The following ANK3 variants were observed in gnomAD, a reference collection of about 807,000 sequenced individuals.
The protein encoded by ANK3 is ankyrin-3.
ANK3 carries 57 observed loss-of-function variants against 370.9 expected under a neutral mutation model. That is an observed-to-expected ratio of 0.15 (90% CI 0.12 to 0.19). The LOEUF (loss-of-function observed/expected upper bound fraction) is 0.19. Among genes scored for constraint, ANK3 ranks in the 10% least tolerant of loss-of-function variants. ANK3 has a pLI of 1.00. For synonymous variants in ANK3, 1,929 were observed against 1,946.3 expected, an observed-to-expected ratio of 0.99 and a Z score of 0.23; for missense variants, 4,439 against 5,302.1, an observed-to-expected ratio of 0.84 and a Z score of 5.06.
intron 5 of ANK3, among the ~76,000 whole-genome samples, chr10:60,269,653 C>T (rs574568294): frequency 6.9e-6 from 1 of 144,710 alleles, no homozygotes; most frequent in Non-Finnish European, 1.5e-5. Flanking sequence ...CCCCCTCCCC[C>T]CCCCCAAAAA....
chr10:60,632,556 C>T (rs1278168047), intron 1 of ANK3, among the ~76,000 whole-genome samples: 1 of 152,134 alleles, frequency 6.6e-6, no homozygotes, highest in Non-Finnish European at 1.5e-5. Flanking sequence ...CAAGAGAAGA[C>T]TGGGCAACAC....
chr10:60,629,887 T>C (rs1485582763), intron 1 of ANK3, among the ~76,000 whole-genome samples: 1 of 152,184 alleles, frequency 6.6e-6, no homozygotes, highest in Non-Finnish European at 1.5e-5. Flanking sequence ...GCAAAAGATG[T>C]GCATGCTACA....
At chr10:60,696,115 T>C (rs1379389545) in intron 1 of ANK3, among the ~76,000 whole-genome samples, 2 of 150,466 alleles carry the variant, frequency 1.3e-5, no homozygotes, top group Admixed American at 6.7e-5. Flanking sequence ...CAGAGAATAC[T>C]ACAAACACCT....
intron 8 of ANK3, among the ~76,000 whole-genome samples, chr10:60,224,544 T>C (rs1453570640): frequency 6.6e-6 from 1 of 152,184 alleles, no homozygotes; most frequent in East Asian, 1.9e-4. Flanking sequence ...CTTTAGCAGG[T>C]CAAATTTGCT....
chr10:60,393,507 A>G (rs893057342), upstream of ANK3, among the ~76,000 whole-genome samples: 3 of 152,186 alleles, frequency 2.0e-5, no homozygotes, highest in Non-Finnish European at 4.4e-5. Flanking sequence ...ATATGGAGTA[A>G]TGGGCATACT....
chr10:60,150,275 C>T (rs1565326289), intron 23 of ANK3, among the ~76,000 whole-genome samples: 1 of 152,134 alleles, frequency 6.6e-6, no homozygotes, highest in Non-Finnish European at 1.5e-5. Flanking sequence ...CTGTGGGGGC[C>T]TGTGCTTTCC....
chr10:60,082,099 T>C (rs774934243), intron 35 of ANK3, 51 bp downstream of exon 35: 11 of 1,476,532 alleles, frequency 7.4e-6, no homozygotes, highest in Admixed American at 1.8e-5. Flanking sequence ...TCATACAGAT[T>C]CAATTTCTAT....
At chr10:60,101,419 T>C (rs1435685642) in intron 28 of ANK3, among the ~76,000 whole-genome samples, 1 of 152,214 alleles carries the variant, frequency 6.6e-6, no homozygotes, top group Non-Finnish European at 1.5e-5. Context: ...AATTAAACTT[T>C]GTGAGTTTAA....
intron 2 of ANK3, among the ~76,000 whole-genome samples, chr10:60,461,959 G>A (rs182739188): frequency 6.6e-6 from 1 of 152,162 alleles, no homozygotes; most frequent in Admixed American, 6.5e-5. Flanking sequence ...GGTAGTCAGC[G>A]GGTGGGGGAC....
At chr10:60,356,238 CA>C (rs1483591883) in intron 1 of ANK3, among the ~76,000 whole-genome samples, 1 of 152,164 alleles carries the variant, frequency 6.6e-6, no homozygotes, top group Non-Finnish European at 1.5e-5. Context: ...TTGTTAAACA[CA>C]ATTTTCACAG....
At chr10:60,582,990 T>C (rs1289352320) in intron 2 of ANK3, among the ~76,000 whole-genome samples, 3 of 152,162 alleles carry the variant, frequency 2.0e-5, no homozygotes, top group Non-Finnish European at 4.4e-5. Context: ...TACCATATGA[T>C]CCAACAATCC....
At chr10:60,411,178 T>C (rs1054828619) in intron 2 of ANK3, among the ~76,000 whole-genome samples, 7 of 152,146 alleles carry the variant, frequency 4.6e-5, no homozygotes, top group Admixed American at 3.3e-4. Flanking sequence ...TTTATTATGT[T>C]AGATTTGGAG....
At chr10:60,553,026 A>C (rs1450769623) in intron 2 of ANK3, among the ~76,000 whole-genome samples, 2 of 152,188 alleles carry the variant, frequency 1.3e-5, no homozygotes, top group African/African-American at 4.8e-5. Context: ...TGTAAGTCTA[A>C]TGAACTTCTT....
chr10:60,521,340 A>G (rs566308670), intron 2 of ANK3, among the ~76,000 whole-genome samples: 2 of 152,248 alleles, frequency 1.3e-5, no homozygotes, highest in South Asian at 2.1e-4. Context: ...TATATTATAC[A>G]TTATGTAATG....
intron 24 of ANK3, among the ~76,000 whole-genome samples, chr10:60,135,688 T>C (rs894889279): frequency 4.6e-5 from 7 of 152,164 alleles, no homozygotes; most frequent in African/African-American, 1.7e-4. Flanking sequence ...GATGGGGAAA[T>C]GAACAAAGAA....
chr10:60,591,729 A>G (rs898626160), intron 2 of ANK3, among the ~76,000 whole-genome samples: 3 of 152,212 alleles, frequency 2.0e-5, no homozygotes, highest in African/African-American at 7.2e-5. Flanking sequence ...TACACAATGG[A>G]GTACTATTCT....
chr10:60,652,705 A>AAAT (rs1472701173), intron 1 of ANK3, among the ~76,000 whole-genome samples: 2 of 151,682 alleles, frequency 1.3e-5, no homozygotes, highest in Non-Finnish European at 1.5e-5. Flanking sequence ...AAAAAAAAAA[A>AAAT]AAAAACTAAA....
At chr10:60,080,452 C>A in intron 36 of ANK3, 85 bp downstream of exon 36, 1 of 1,209,084 alleles carries the variant, frequency 8.3e-7, no homozygotes, top group Non-Finnish European at 1.2e-6. Context: ...ATTGAGTTTC[C>A]AAATGATAAA....
chr10:60,222,089 T>A (rs1318996989), intron 8 of ANK3, among the ~76,000 whole-genome samples: 1 of 152,228 alleles, frequency 6.6e-6, no homozygotes, highest in Non-Finnish European at 1.5e-5. Flanking sequence ...TTCTGAACAC[T>A]GACTTCAAGT....
Sources: allele counts gnomAD v4.1 joint callset (sites outside exome capture counted in the v4.1 genomes callset), GRCh38; gene constraint gnomAD v4.1.1; transcripts MANE v1.5; gene names NCBI Gene and HGNC (gene_info 2026-07-23, HGNC 2026-07-21).